Variants in ATE1 observed in about 807,000 individuals in gnomAD.
ATE1 encodes the protein arginyltransferase 1.
In ATE1, 36 loss-of-function variants were observed where a neutral mutation model predicts 70.5. That is an observed-to-expected ratio of 0.51 (90% CI 0.39 to 0.67). The LOEUF (loss-of-function observed/expected upper bound fraction) is 0.67, where lower values mean the gene tolerates loss of function less well. ATE1 is among the 30% of genes least tolerant of loss of function. The pLI is 0.00. For synonymous variants in ATE1, 232 were observed against 219.3 expected, an observed-to-expected ratio of 1.06 and a Z score of -0.51; for missense variants, 593 against 629.5, an observed-to-expected ratio of 0.94 and a Z score of 0.62.
Position 121,927,838 on chromosome 10 carries a change from G to A in ATE1, c.106+6C>T, listed in dbSNP as rs200415808. 7.0e-6 allele frequency: 11 copies of A among 1,562,182 alleles called. No homozygotes were observed. In the Admixed American group the frequency reaches 2.0e-4, roughly 29 times the overall value. Reference sequence around the variant, plus strand: ...CTTCCCACGCCCGCCGGCCCGGCTCGCTCACCATTGGAGCGGCTGCCCGAC... The same window carrying A: ...CTTCCCACGCCCGCCGGCCCGGCTCACTCACCATTGGAGCGGCTGCCCGAC... On this transcript the variant is annotated splice_donor_region_variant and intron_variant, in intron 1 of 11. Transcript: ENST00000224652.
Position 121,913,886 on chromosome 10 carries a change from G to A in ATE1, c.241C>T (p.Pro81Ser), listed in dbSNP as rs1462789561. 1.9e-6 allele frequency: 3 copies of A among 1,607,138 alleles called. No homozygotes were observed. The Admixed American group carries it at 5.1e-5, about 27-fold the overall frequency. The change falls in exon 4 of 12, where the codon CCT becomes TCT. Residue 81 changes from proline (P) to serine (S), a missense_variant. Coordinates refer to ENST00000224652, the MANE Select transcript of ATE1 (RefSeq NM_001001976.3). ...GATTTTGAAGGCTGAAATTGTAAAG[G>A]TCGGCACCTAGGAAAGCAAAATAAA... ...CCPQYTIRCR[P>S]LQFQPSKSHK...
chr10:121,853,714 T>C (rs1013374010), intron 8 of ATE1, among the ~76,000 whole-genome samples: 5 of 152,178 alleles, frequency 3.3e-5, no homozygotes, highest in African/African-American at 9.6e-5. Context: ...AGAGTAATTA[T>C]TGGGTGTCTT....
chr10:121,813,183 A>C (rs538864885), intron 10 of ATE1, among the ~76,000 whole-genome samples: 1 of 152,346 alleles, frequency 6.6e-6, no homozygotes, highest in South Asian at 2.1e-4. Flanking sequence ...TGGTCCATCA[A>C]ACACTCTTCT....
chr10:121,847,435 G>A (rs753462881), intron 8 of ATE1, among the ~76,000 whole-genome samples: 3 of 150,098 alleles, frequency 2.0e-5, no homozygotes, highest in South Asian at 2.1e-4. Flanking sequence ...GTAACAGAGC[G>A]AGACTCTGTC....
intron 11 of ATE1, among the ~76,000 whole-genome samples, chr10:121,751,217 C>G (rs984013397): frequency 1.4e-4 from 22 of 152,284 alleles, no homozygotes; most frequent in African/African-American, 5.1e-4. Context: ...AAAATGAAAA[C>G]TAAGAAATAT....
At chr10:121,923,428 G>A (rs1454096503) in intron 2 of ATE1, among the ~76,000 whole-genome samples, 1 of 152,126 alleles carries the variant, frequency 6.6e-6, no homozygotes, top group African/African-American at 2.4e-5. Flanking sequence ...TGATGGCACT[G>A]TACTCTAGCC....
chr10:121,759,575 T>C (rs1169661318), intron 11 of ATE1, among the ~76,000 whole-genome samples: 1 of 151,812 alleles, frequency 6.6e-6, no homozygotes, highest in East Asian at 1.9e-4. Flanking sequence ...TACAAAAAAA[T>C]TAGCCAGGTG....
chr10:121,922,287 A>G (rs1951911851), intron 3 of ATE1, 62 bp downstream of exon 3: 1 of 1,156,050 alleles, frequency 8.7e-7, no homozygotes. Flanking sequence ...ACAAGAGACT[A>G]CTAAAATATT....
rs369054737 is a variant in ATE1 at position 121,790,962 on chromosome 10, A to ATATATG, written c.1258-674_1258-673insCATATA. ...TGTACATATATATGTGTATATATATATGTGTGTGTACATATATGTGTGTAT... is the reference window on the plus strand; with the variant it reads ...TGTACATATATATGTGTATATATATATATATGTGTGTGTGTACATATATGTGTGTAT... On this transcript the variant is annotated intron_variant, in intron 10 of 11. Transcript: ENST00000224652. 4.4e-3 allele frequency among the ~76,000 whole-genome samples: 663 copies of ATATATG among 150,968 alleles called. 5 individuals are homozygous for ATATATG. The highest frequency in any genetic ancestry group is 0.015 in the African/African-American group (629 of 41,116).
intron 7 of ATE1, among the ~76,000 whole-genome samples, chr10:121,888,690 T>C (rs1219621379): frequency 6.6e-6 from 1 of 152,164 alleles, no homozygotes; most frequent in Non-Finnish European, 1.5e-5. Flanking sequence ...AGGATGTACA[T>C]ATGCAGCACT....
chr10:121,764,483 CAAAAAAA>C (rs56333855), intron 11 of ATE1, among the ~76,000 whole-genome samples: 1 of 123,712 alleles, frequency 8.1e-6, no homozygotes. Context: ...CCGGTTCCTG[CAAAAAAA>C]AAAAAAAAAA....
At chr10:121,862,719 C>G (rs1311025449) in intron 8 of ATE1, among the ~76,000 whole-genome samples, 1 of 151,634 alleles carries the variant, frequency 6.6e-6, no homozygotes, top group Non-Finnish European at 1.5e-5. Flanking sequence ...GGTAGGAAAC[C>G]TGTAGGACTT....
chr10:121,851,293 G>A (rs906787833), intron 8 of ATE1, among the ~76,000 whole-genome samples: 1 of 151,978 alleles, frequency 6.6e-6, no homozygotes, highest in Non-Finnish European at 1.5e-5. Context: ...GGTGGCACAT[G>A]CCTGTACTCC....
intron 10 of ATE1, among the ~76,000 whole-genome samples, chr10:121,795,045 T>G (rs955610817): frequency 6.6e-6 from 1 of 152,050 alleles, no homozygotes; most frequent in Non-Finnish European, 1.5e-5. Context: ...GCCAAGAGTT[T>G]GAGACCAGCC....
intron 8 of ATE1, among the ~76,000 whole-genome samples, chr10:121,857,244 A>C (rs922312799): frequency 6.6e-6 from 1 of 152,158 alleles, no homozygotes; most frequent in Non-Finnish European, 1.5e-5. Context: ...CCCAACAGTT[A>C]GTTTTTCAAC....
intron 8 of ATE1, among the ~76,000 whole-genome samples, chr10:121,854,894 T>C (rs1452305300): frequency 2.0e-5 from 3 of 152,122 alleles, no homozygotes; most frequent in Admixed American, 2.0e-4. Context: ...TCCTCCCCTT[T>C]TCAGGCATGT....
chr10:121,875,551 C>T (rs12761013), intron 7 of ATE1, among the ~76,000 whole-genome samples: 47,380 of 151,710 alleles, frequency 0.31, 7,628 homozygotes, highest in South Asian at 0.43. Flanking sequence ...GTGATCTGCC[C>T]GCCTCGGCCT....
chr10:121,899,725 A>T, intron 7 of ATE1, 141 bp downstream of exon 7: 1 of 1,257,614 alleles, frequency 8.0e-7, no homozygotes, highest in Admixed American at 2.6e-5. Flanking sequence ...ATGTCCATTA[A>T]TTCAGTCTTA....
chr10:121,815,475 G>A (rs1947505131), intron 10 of ATE1, among the ~76,000 whole-genome samples: 1 of 152,182 alleles, frequency 6.6e-6, no homozygotes. Context: ...CACTGCTTCT[G>A]AAGGACCTCA....
Sources: gnomAD v4.1 joint callset for allele counts (sites outside exome capture counted in the v4.1 genomes callset) on GRCh38, gnomAD v4.1.1 for gene constraint, MANE v1.5 for transcripts, NCBI Gene and HGNC (gene_info 2026-07-23, HGNC 2026-07-21) for gene names.